PITPNM2: variants seen among roughly 807,000 people sequenced by gnomAD.
PITPNM2 encodes phosphatidylinositol transfer protein membrane associated 2, also known as membrane-associated phosphatidylinositol transfer protein 2.
In PITPNM2, 35 loss-of-function variants were observed where a neutral mutation model predicts 132.2. That is an observed-to-expected ratio of 0.26 (90% confidence interval 0.20 to 0.35). The LOEUF (loss-of-function observed/expected upper bound fraction) is 0.35, where lower values mean the gene tolerates loss of function less well. Ranked by LOEUF, PITPNM2 falls within the 10% of genes least tolerant of loss-of-function variation. The probability of loss-of-function intolerance (pLI) is 1.00; values close to 1 mark genes in which losing one functional copy is unlikely to be tolerated. For synonymous variants in PITPNM2, 738 were observed against 799.2 expected (o/e 0.92, Z 1.29); for missense variants, 1,332 against 1,912.0 (o/e 0.70, Z 5.66).
chr12:123,125,994 G>A (rs1054256954), intron 1 of PITPNM2, among the ~76,000 whole-genome samples: 3 of 132,900 alleles, frequency 2.3e-5, no homozygotes, highest in Admixed American at 8.8e-5. Flanking sequence ...CTCAGCCTCC[G>A]GAGTAGCTGG....
At chr12:123,026,023 C>G (rs1470291727) in intron 3 of PITPNM2, among the ~76,000 whole-genome samples, 5 of 152,104 alleles carry the variant, frequency 3.3e-5, no homozygotes, top group Non-Finnish European at 7.4e-5. Context: ...CCTGCTCAGC[C>G]CAAAGCACCA....
intron 5 of PITPNM2, among the ~76,000 whole-genome samples, chr12:123,010,374 G>A (rs1228215565): frequency 6.6e-6 from 1 of 152,172 alleles, no homozygotes; most frequent in African/African-American, 2.4e-5. Context: ...ATGAGCCAAC[G>A]AGCCTGGCCC....
chr12:123,068,310 A>G (rs1207835281), intron 2 of PITPNM2, among the ~76,000 whole-genome samples: 1 of 152,136 alleles, frequency 6.6e-6, no homozygotes, highest in Non-Finnish European at 1.5e-5. Flanking sequence ...TACTAAAAAT[A>G]CAAAAAATTA....
chr12:123,060,764 G>A (rs2041208856), intron 2 of PITPNM2, among the ~76,000 whole-genome samples: 1 of 152,078 alleles, frequency 6.6e-6, no homozygotes, highest in African/African-American at 2.4e-5. Context: ...GTATAGGCAC[G>A]GTCCTCCTTA....
chr12:123,143,408 G>A (rs1311663411), intron 1 of PITPNM2, among the ~76,000 whole-genome samples: 1 of 152,190 alleles, frequency 6.6e-6, no homozygotes, highest in African/African-American at 2.4e-5. Flanking sequence ...GCCCTCCCCA[G>A]GAGCCACCTC....
chr12:123,150,415 GC>G lies in PITPNM2; in HGVS notation c.-200+337del, dbSNP rs1222817560. 6.6e-6 allele frequency among the ~76,000 whole-genome samples: 1 copy of G among 151,226 alleles called. No homozygotes were observed. Among genetic ancestry groups the G allele is most frequent in the South Asian group, 2.1e-4 (1 of 4,766 alleles). On this transcript the variant is annotated intron_variant, in intron 1 of 25. Coordinates refer to ENST00000320201, the MANE Select transcript of PITPNM2 (RefSeq NM_020845.3). The surrounding 1 kb of genome is among the most constrained non-coding windows in gnomAD (Gnocchi z 6.0). Reference sequence around the variant, plus strand: ...CCTGGCACCGGCACTGCCCACGCCTGCCCCCCGACCGCTATGACACTTGTCC... The same window carrying G: ...CCTGGCACCGGCACTGCCCACGCCTGCCCCCGACCGCTATGACACTTGTCC...
chr12:123,136,354 A>G lies in PITPNM2; in HGVS notation c.-200+14399T>C, dbSNP rs187819055. Among the ~76,000 whole-genome samples the G allele has an allele frequency of 2.9e-3, 442 of 152,270 alleles. 1 individual carries two copies. The highest frequency in any genetic ancestry group is 0.01 in the African/African-American group (417 of 41,566). ...AAAACCAGAAAAAATAACAAAAAAT[A>G]GAAATTTAACTTGGTGTTAAAGAAA... On this transcript the variant is annotated intron_variant, in intron 1 of 25. Transcript: ENST00000320201.
In PITPNM2 at chr12:122,986,193, C is replaced by G. The variant is rs914354781; in HGVS notation, c.3884G>C (p.Arg1295Pro). Residue 1295 changes from arginine (R) to proline (P), a missense_variant, in exon 26 of 26, where the codon CGC becomes CCC. By Grantham distance (103) the Arg-to-Pro change is moderately radical (BLOSUM62 -2). Transcript: ENST00000320201. ...CCCGCTGGGCTGGGCCGAGATGGTG[C>G]GAAGCAGGTGGTTCCGGGAGCGCAG... ...DFLRSRNHLL[R>P]TISAQPSGPS... 1 of 1,553,668 alleles carries G rather than the reference C, an allele frequency of 6.4e-7. No individual in the cohort carries two copies. The highest frequency in any genetic ancestry group is 8.7e-7 in the Non-Finnish European group (1 of 1,154,142).
At position 123,078,914 on chromosome 12, in the gene PITPNM2, A is replaced by G. The variant is rs2041870440; in HGVS notation, c.-96+31471T>C. 2.0e-5 allele frequency among the ~76,000 whole-genome samples: 3 copies of G among 152,354 alleles called. No homozygotes were observed. Among genetic ancestry groups the G allele is most frequent in the Non-Finnish European group, 1.5e-5 (1 of 68,020 alleles). The stretch of plus-strand genomic sequence containing the variant: ...GCGAAATGGGGCTGGGAAGAAAGCC[A>G]CGAGACCTCAGTGGGGTCGCAGTCT... On this transcript the variant is annotated intron_variant, in intron 2 of 25. Transcript: ENST00000320201. The surrounding 1 kb of genome is among the most constrained non-coding windows in gnomAD (Gnocchi z 7.3).
chr12:123,099,720 A>G lies in PITPNM2; in HGVS notation c.-96+10665T>C, dbSNP rs775433593. Among the ~76,000 whole-genome samples the G allele has an allele frequency of 5.9e-5, 9 of 152,238 alleles. No individual in the cohort carries two copies. The highest frequency in any genetic ancestry group is 2.1e-4 in the South Asian group (1 of 4,814). ...TGTGCCTGGGTTCAGATGCCTATCCATGCTGGCACTGTTCCAAGTCCCACC... is the reference window on the plus strand; with the variant it reads ...TGTGCCTGGGTTCAGATGCCTATCCGTGCTGGCACTGTTCCAAGTCCCACC... On this transcript the variant is annotated intron_variant, in intron 2 of 25. Transcript: ENST00000320201. The surrounding 1 kb of genome is among the most constrained non-coding windows in gnomAD (Gnocchi z 4.2).
chr12:123,015,425 G>A (rs1001715258), intron 3 of PITPNM2, among the ~76,000 whole-genome samples: 2 of 152,138 alleles, frequency 1.3e-5, no homozygotes, highest in African/African-American at 2.4e-5. Flanking sequence ...TTTGAGAAGG[G>A]TGCCAAGACC....
rs1419807045 is a variant in PITPNM2 at position 123,078,747 on chromosome 12, C to T, written c.-96+31638G>A. ...GGGGGAGGGGGCTCTCCTGGACACA[C>T]TGGCAGGTGGATGGGGACTCCCAGG... On this transcript the variant is annotated intron_variant, in intron 2 of 25. Coordinates refer to ENST00000320201, the MANE Select transcript of PITPNM2 (RefSeq NM_020845.3). This position sits in a 1 kb window ranked among gnomAD's most constrained non-coding sequence, Gnocchi z 7.3. Among the ~76,000 whole-genome samples, 4 of 152,208 alleles carry T rather than the reference C, an allele frequency of 2.6e-5. No homozygotes were observed. The highest frequency in any genetic ancestry group is 2.0e-4 in the Admixed American group (3 of 15,280).
At chr12:123,080,851 G>A (rs941673254) in intron 2 of PITPNM2, among the ~76,000 whole-genome samples, 1 of 152,154 alleles carries the variant, frequency 6.6e-6, no homozygotes, top group Non-Finnish European at 1.5e-5. Flanking sequence ...TGATGCTGGC[G>A]CCACCCAATA....
intron 1 of PITPNM2, among the ~76,000 whole-genome samples, chr12:123,127,017 G>C (rs2043153071): frequency 6.6e-6 from 1 of 152,148 alleles, no homozygotes; most frequent in Non-Finnish European, 1.5e-5. Flanking sequence ...CCAGGGCAAG[G>C]GACCACAAAG....
At position 123,031,576 on chromosome 12, in the gene PITPNM2, G is replaced by A. The variant is rs999097179; in HGVS notation, c.78+2937C>T. 6.6e-6 allele frequency among the ~76,000 whole-genome samples: 1 copy of A among 152,134 alleles called. No homozygotes were observed. Among genetic ancestry groups the A allele is most frequent in the Non-Finnish European group, 1.5e-5 (1 of 68,026 alleles). On this transcript the variant is annotated intron_variant, in intron 3 of 25. Coordinates refer to ENST00000320201, the MANE Select transcript of PITPNM2 (RefSeq NM_020845.3). The surrounding 1 kb of genome is among the most constrained non-coding windows in gnomAD (Gnocchi z 4.5). ...ACACACCAAGAACACAGAGGACACAGGTGCAGGGCACTAGCACCTGTGATG... is the reference window on the plus strand; with the variant it reads ...ACACACCAAGAACACAGAGGACACAAGTGCAGGGCACTAGCACCTGTGATG...
At chr12:123,029,242 C>T (rs1486822968) in intron 3 of PITPNM2, among the ~76,000 whole-genome samples, 1 of 152,198 alleles carries the variant, frequency 6.6e-6, no homozygotes, top group East Asian at 1.9e-4. Flanking sequence ...ACCTCAATTT[C>T]CCCATATGTA....
intron 2 of PITPNM2, among the ~76,000 whole-genome samples, chr12:123,080,536 G>A (rs898680722): frequency 3.3e-5 from 5 of 152,230 alleles, no homozygotes; most frequent in Non-Finnish European, 7.3e-5. Context: ...CTCCCCATGG[G>A]TGACCAAGTA....
chr12:123,000,767 C>T lies in PITPNM2; in HGVS notation c.1224+11G>A, dbSNP rs1384976196. On this transcript the variant is annotated intron_variant, in intron 10 of 25. Transcript: ENST00000320201. This position sits in a 1 kb window ranked among gnomAD's most constrained non-coding sequence, Gnocchi z 5.4. ...GCCATGCCCCTGTCCCTCTGACACCCGGGCACCCACCTCTATGATGTTCAG... is the reference window on the plus strand; with the variant it reads ...GCCATGCCCCTGTCCCTCTGACACCTGGGCACCCACCTCTATGATGTTCAG... 1.4e-5 allele frequency: 22 copies of T among 1,613,566 alleles called. No individual in the cohort carries two copies. Among genetic ancestry groups the T allele is most frequent in the East Asian group, 2.2e-5 (1 of 44,892 alleles).
intron 3 of PITPNM2, among the ~76,000 whole-genome samples, chr12:123,030,629 C>A (rs538731110): frequency 1.3e-5 from 2 of 151,428 alleles, no homozygotes; most frequent in Non-Finnish European, 2.9e-5. Flanking sequence ...GGAGGCGGAG[C>A]TTGCAGTGAG....
Sources: allele counts gnomAD v4.1 joint callset (sites outside exome capture counted in the v4.1 genomes callset), GRCh38; gene constraint gnomAD v4.1.1; non-coding constraint Gnocchi (gnomAD v3.1); transcripts MANE v1.5; gene names NCBI Gene and HGNC (gene_info 2026-07-23, HGNC 2026-07-21).